The following STAG3 variants were observed in gnomAD, a reference collection of about 807,000 sequenced individuals.
STAG3 encodes the protein cohesin subunit SA-3.
STAG3 carries 101 observed loss-of-function variants against 160.7 expected under a neutral mutation model. The ratio of observed to expected loss-of-function variants is 0.63; its 90% CI spans 0.54 to 0.74. STAG3 has a LOEUF of 0.74. Ranked by LOEUF, STAG3 falls within the 30% of genes least tolerant of loss-of-function variation. The probability of loss-of-function intolerance (pLI) is 0.00; values close to 1 mark genes in which losing one functional copy is unlikely to be tolerated. For missense variants in STAG3, 1,188 were observed against 1,517.4 expected (o/e 0.78, Z 3.61); for synonymous variants, 519 against 585.0 (o/e 0.89, Z 1.63).
chr7:100,193,143 T>G (rs1451979850), intron 8 of STAG3, among the ~76,000 whole-genome samples: 2 of 152,210 alleles, frequency 1.3e-5, no homozygotes, highest in African/African-American at 4.8e-5. Flanking sequence ...GAATCTTTTT[T>G]TCTGAGCAGT....
chr7:100,206,502 C>T (rs1727125), intron 29 of STAG3, among the ~76,000 whole-genome samples: 104,664 of 150,896 alleles, frequency 0.69, 36,805 homozygotes, highest in Middle Eastern at 0.86. Context: ...GACGGAATCT[C>T]GCTCTGTCAC....
chr7:100,211,998 G>C, intron 32 of STAG3, 122 bp downstream of exon 32: 4 of 823,424 alleles, frequency 4.9e-6, no homozygotes, highest in Non-Finnish European at 7.6e-6. Flanking sequence ...AATGAATCTA[G>C]AGTAAAGGAG....
At chr7:100,194,922 A>C (rs183839198) in intron 8 of STAG3, among the ~76,000 whole-genome samples, 1 of 146,222 alleles carries the variant, frequency 6.8e-6, no homozygotes, top group South Asian at 2.2e-4. Context: ...AGGATATACT[A>C]TTAGAAAAAT....
chr7:100,200,322 G>C lies in STAG3; in HGVS notation c.1764G>C (p.Leu588=), dbSNP rs1427075948. ...EHLIPLLPQL[L]AKFSADAEKV... ...TCATCCCCCTGCTGCCCCAGCTCCT[G>C]GCCAAGGTACCGCTGCCCCTCCACT... The change falls in exon 17 of 34, where the codon CTG becomes CTC. Residue 588 remains leucine (L), a synonymous_variant. Coordinates refer to ENST00000615138, the MANE Select transcript of STAG3 (RefSeq NM_001282717.2). 1 of 1,613,884 alleles carries C rather than the reference G, an allele frequency of 6.2e-7. No individual in the cohort carries two copies.
At position 100,186,225 on chromosome 7, in the gene STAG3, G is replaced by A. The variant is rs1237738490; in HGVS notation, c.362G>A (p.Ser121Asn). Residue 121 changes from serine (S) to asparagine (N), a missense_variant, in exon 5 of 34, where the codon AGC becomes AAC. By Grantham distance (46) the Ser-to-Asn change is conservative. Around this residue, in one of 4 missense-constraint regions of STAG3, gnomAD observed 296 missense variants for 404.0 expected, o/e 0.73. Transcript: ENST00000615138. The part of the protein sequence containing the change: ...MQSLVDEWLD[S>N]YKQDQDAGFL... The stretch of plus-strand genomic sequence containing the variant: ...TCTTTGGTAGATGAGTGGCTGGATA[G>A]CTACAAGCAAGACCAGGATGCAGGA... 3 of 1,614,118 alleles carry A rather than the reference G, an allele frequency of 1.9e-6. No individual in the cohort carries two copies. In the Admixed American group the frequency reaches 5.0e-5, roughly 27 times the overall value.
At chr7:100,213,497 A>C (rs1325391743) in intron 32 of STAG3, 1 of 985,144 alleles carries the variant, frequency 1.0e-6, no homozygotes, top group Non-Finnish European at 1.2e-6. Flanking sequence ...CTCAGAAAAA[A>C]TCCGTTTTCT....
chr7:100,206,616 C>T (rs112547654), intron 29 of STAG3, among the ~76,000 whole-genome samples: 2,170 of 152,066 alleles, frequency 0.014, 30 homozygotes, highest in Non-Finnish European at 0.024. Context: ...GGATTACAGG[C>T]GTCCACCACC....
chr7:100,209,404 A>G (rs577372381), intron 29 of STAG3, among the ~76,000 whole-genome samples: 3 of 152,316 alleles, frequency 2.0e-5, no homozygotes, highest in Admixed American at 1.3e-4. Context: ...TGTTCAAGGA[A>G]CAGCAGAGAA....
chr7:100,205,698 C>T (rs1324769147), intron 29 of STAG3, among the ~76,000 whole-genome samples: 5 of 151,808 alleles, frequency 3.3e-5, no homozygotes, highest in African/African-American at 7.3e-5. Flanking sequence ...GGCATGGTGG[C>T]GCGCATCTGT....
chr7:100,201,446 C>A, intron 21 of STAG3, 95 bp downstream of exon 21: 1 of 1,090,918 alleles, frequency 9.2e-7, no homozygotes, highest in Non-Finnish European at 1.4e-6. Flanking sequence ...AGTCTCAGTG[C>A]GTGGAGTGGA....
At chr7:100,203,502 T>TTTTA (rs763907029) in intron 25 of STAG3, among the ~76,000 whole-genome samples, 289 of 151,516 alleles carry the variant, frequency 1.9e-3, no homozygotes, top group African/African-American at 3.4e-3. Context: ...TTGTTTTTTA[T>TTTTA]TTTATTTATT....
At chr7:100,179,841 T>C (rs565592761) in intron 1 of STAG3, among the ~76,000 whole-genome samples, 1 of 152,318 alleles carries the variant, frequency 6.6e-6, no homozygotes, top group African/African-American at 2.4e-5. Context: ...GTTCAAGCGA[T>C]TCTCCTGCCT....
intron 8 of STAG3, among the ~76,000 whole-genome samples, chr7:100,193,611 G>A (rs1375267308): frequency 3.9e-5 from 6 of 152,130 alleles, no homozygotes; most frequent in Admixed American, 3.3e-4. Context: ...TAAACCTCAC[G>A]AACTAACTTC....
chr7:100,215,956 C>G (rs935677941), downstream of STAG3, among the ~76,000 whole-genome samples: 5 of 152,180 alleles, frequency 3.3e-5, no homozygotes, highest in African/African-American at 1.2e-4. Context: ...ATTCTGTGAG[C>G]AAGGCCAGCA....
intron 5 of STAG3, among the ~76,000 whole-genome samples, chr7:100,187,127 A>G (rs2117128837): frequency 6.6e-6 from 1 of 151,634 alleles, no homozygotes; most frequent in Non-Finnish European, 1.5e-5. Context: ...TACATCCTGG[A>G]TTTAAGCGAT....
Position 100,213,246 on chromosome 7 carries a change from ACAG to A in STAG3, c.3601-486_3601-484del, listed in dbSNP as rs557913635. 1.0e-4 allele frequency: 101 copies of A among 975,794 alleles called. No individual in the cohort carries two copies. In the Middle Eastern group the frequency reaches 1.2e-3, roughly 11 times the overall value. 60.4% of individuals were successfully genotyped at this position (975,794 alleles called of 1,614,324 possible). ...CACCTCCCAAAGGCCCCACTTCCAA[ACAG>A]CATCACACTGGGGGAAGGATTTCAA... On this transcript the variant is annotated intron_variant, in intron 32 of 33. Coordinates refer to ENST00000615138, the MANE Select transcript of STAG3 (RefSeq NM_001282717.2).
At chr7:100,189,269 C>T (rs1422323503) in intron 7 of STAG3, among the ~76,000 whole-genome samples, 176 bp from the exon 8 acceptor site, 2 of 152,112 alleles carry the variant, frequency 1.3e-5, no homozygotes. Flanking sequence ...AAAAGAAGAC[C>T]ACAAGGGTTC....
chr7:100,213,820 G>C lies in STAG3; in HGVS notation c.3672+14G>C. The C allele has an allele frequency of 6.2e-7, 1 of 1,614,180 alleles. No individual in the cohort carries two copies. The highest frequency in any genetic ancestry group is 8.5e-7 in the Non-Finnish European group (1 of 1,179,992). ...CTGGATATTGAGGTGAGTGTCCCCA[G>C]AGCAGGAGTTATGTATCCTTCGGAA... is the stretch of plus-strand genomic sequence containing the variant. On this transcript the variant is annotated intron_variant, in intron 33 of 33. Coordinates refer to ENST00000615138, the MANE Select transcript of STAG3 (RefSeq NM_001282717.2).
intron 26 of STAG3, among the ~76,000 whole-genome samples, 157 bp from the exon 27 acceptor site, chr7:100,204,470 A>G (rs1340923822): frequency 6.6e-6 from 1 of 152,166 alleles, no homozygotes; most frequent in Non-Finnish European, 1.5e-5. Flanking sequence ...TGTTTGCTGC[A>G]GGGGTATCGG....
Sources: gnomAD v4.1 joint callset for allele counts (sites outside exome capture counted in the v4.1 genomes callset) on GRCh38, gnomAD v4.1.1 for gene constraint, gnomAD v4.1.1 regional missense constraint, MANE v1.5 for transcripts, NCBI Gene and HGNC (gene_info 2026-07-23, HGNC 2026-07-21) for gene names.